SLC16A9: variants seen among roughly 807,000 people sequenced by gnomAD.
The protein encoded by SLC16A9 is solute carrier family 16 member 9.
A neutral mutation model predicts 44.3 loss-of-function variants in SLC16A9; 26 were observed. The observed-to-expected ratio is 0.59, with a 90% CI of 0.43 to 0.81. The LOEUF (loss-of-function observed/expected upper bound fraction) is 0.81, where lower values mean the gene tolerates loss of function less well. Ranked by LOEUF, SLC16A9 falls within the 40% of genes least tolerant of loss-of-function variation. The pLI is 0.00. For missense variants in SLC16A9, 559 were observed against 595.8 expected, an observed-to-expected ratio of 0.94 and a Z score of 0.64; for synonymous variants, 230 against 225.1, an observed-to-expected ratio of 1.02 and a Z score of -0.19.
At chr10:59,677,197 T>C (rs1255670936) in intron 2 of SLC16A9, among the ~76,000 whole-genome samples, 2 of 151,982 alleles carry the variant, frequency 1.3e-5, no homozygotes, top group African/African-American at 2.4e-5. Context: ...GTTGTCAGTA[T>C]TGGTGTTTAG....
At chr10:59,685,557 T>G (rs970655004) in intron 1 of SLC16A9, among the ~76,000 whole-genome samples, 4 of 152,242 alleles carry the variant, frequency 2.6e-5, no homozygotes, top group African/African-American at 9.6e-5. Context: ...CTGGAAGATC[T>G]TCCACATCAA....
chr10:59,654,820 C>T (rs913991143), intron 4 of SLC16A9, among the ~76,000 whole-genome samples: 4 of 152,198 alleles, frequency 2.6e-5, no homozygotes, highest in East Asian at 3.9e-4. Context: ...TTACATTGCA[C>T]GATCATGTTT....
rs187848459 is a variant in SLC16A9 at position 59,653,679 on chromosome 10, G to T, written c.1347C>A (p.Ile449=). ...AGLGNSLGPP[I]VGWFYDWTQT... ...ATTTTAAGATAAATATCTTACCAAC[G>T]ATGGGTGGTCCTAGGCTATTTCCAA... The change falls in exon 5 of 6, where the codon ATC becomes ATA. Residue 449 remains isoleucine (I), a synonymous_variant. Coordinates refer to ENST00000395348, the MANE Select transcript of SLC16A9 (RefSeq NM_194298.3). 1 of 1,606,940 alleles carries T rather than the reference G, an allele frequency of 6.2e-7. No individual in the cohort carries two copies. The highest frequency in any genetic ancestry group is 1.7e-5 in the Admixed American group (1 of 59,312).
intron 5 of SLC16A9, 70 bp from the exon 6 acceptor site, chr10:59,653,020 A>C: frequency 1.6e-6 from 2 of 1,226,408 alleles, no homozygotes; most frequent in Non-Finnish European, 2.3e-6. Flanking sequence ...TACCCTAATT[A>C]TATCAGTTTT....
chr10:59,692,817 T>A (rs192784462), intron 1 of SLC16A9, among the ~76,000 whole-genome samples: 4 of 152,266 alleles, frequency 2.6e-5, no homozygotes, highest in Admixed American at 2.6e-4. Flanking sequence ...AACCAATACC[T>A]AAAAACAAAC....
intron 1 of SLC16A9, among the ~76,000 whole-genome samples, chr10:59,693,912 C>T (rs1840309226): frequency 7.3e-6 from 1 of 137,300 alleles, no homozygotes. Flanking sequence ...CCACTGCACC[C>T]GGCCTTTTAA....
At chr10:59,697,493 G>A (rs1840421616) in intron 1 of SLC16A9, among the ~76,000 whole-genome samples, 1 of 151,736 alleles carries the variant, frequency 6.6e-6, no homozygotes, top group Non-Finnish European at 1.5e-5. Context: ...TGGATTAAGG[G>A]TGGTGCAAGA....
intron 1 of SLC16A9, among the ~76,000 whole-genome samples, chr10:59,700,541 T>C (rs1840499557): frequency 6.6e-6 from 1 of 152,226 alleles, no homozygotes; most frequent in Non-Finnish European, 1.5e-5. Flanking sequence ...ATGTTTCTAG[T>C]AACCATCCAA....
At position 59,700,792 on chromosome 10, in the gene SLC16A9, A is replaced by G. The variant is rs151119431; in HGVS notation, c.-37+8687T>C. Reference sequence around the variant, plus strand: ...CCTAGACAATAAAAAGTGTTTCACTATGGCATTCCCTGCATCCTCACAGTT... The same window carrying G: ...CCTAGACAATAAAAAGTGTTTCACTGTGGCATTCCCTGCATCCTCACAGTT... On this transcript the variant is annotated intron_variant, in intron 1 of 5. Coordinates refer to ENST00000395348, the MANE Select transcript of SLC16A9 (RefSeq NM_194298.3). Among the ~76,000 whole-genome samples, 690 of 152,290 alleles carry G rather than the reference A, an allele frequency of 4.5e-3. 13 individuals are homozygous for G. Among genetic ancestry groups the G allele is most frequent in the African/African-American group, 0.016 (651 of 41,560 alleles).
intron 2 of SLC16A9, among the ~76,000 whole-genome samples, chr10:59,680,986 T>TAAC (rs1287718916): frequency 6.6e-6 from 1 of 150,728 alleles, no homozygotes; most frequent in Non-Finnish European, 1.5e-5. Flanking sequence ...CAATCTCAAA[T>TAAC]AATAATAATA....
intron 4 of SLC16A9, among the ~76,000 whole-genome samples, chr10:59,660,046 T>G (rs151330219): frequency 0.03 from 4,489 of 152,048 alleles, 211 homozygotes; most frequent in African/African-American, 0.1. Flanking sequence ...CAGGAGAAAG[T>G]GGGAAATATC....
intron 1 of SLC16A9, among the ~76,000 whole-genome samples, chr10:59,701,720 GC>G (rs923624529): frequency 1.7e-4 from 26 of 152,116 alleles, no homozygotes; most frequent in South Asian, 4.2e-4. Context: ...ACAAATCTGT[GC>G]CCCCCAACCC....
chr10:59,694,024 G>T (rs1389479914), intron 1 of SLC16A9, among the ~76,000 whole-genome samples: 1 of 151,624 alleles, frequency 6.6e-6, no homozygotes, highest in East Asian at 1.9e-4. Flanking sequence ...CACAAGCTCC[G>T]CCTCCCGGGT....
At chr10:59,675,726 C>T (rs1288061253) in intron 2 of SLC16A9, among the ~76,000 whole-genome samples, 7 of 152,320 alleles carry the variant, frequency 4.6e-5, no homozygotes, top group African/African-American at 1.4e-4. Flanking sequence ...ACACTATGCA[C>T]GTGGTCACCC....
chr10:59,655,307 AC>A (rs1360052360), intron 4 of SLC16A9, among the ~76,000 whole-genome samples: 1 of 152,078 alleles, frequency 6.6e-6, no homozygotes, highest in Non-Finnish European at 1.5e-5. Context: ...AAACAAACAA[AC>A]AAAAAAACCC....
At chr10:59,696,394 G>A (rs1387127314) in intron 1 of SLC16A9, among the ~76,000 whole-genome samples, 2 of 152,332 alleles carry the variant, frequency 1.3e-5, no homozygotes, top group African/African-American at 2.4e-5. Context: ...ACGGAGTTGC[G>A]TTCACTCAGT....
intron 2 of SLC16A9, among the ~76,000 whole-genome samples, chr10:59,673,870 CACACAA>C: frequency 6.6e-6 from 1 of 152,278 alleles, no homozygotes; most frequent in Middle Eastern, 3.4e-3. Context: ...AAGGGTGTAT[CACACAA>C]ACACAATGTA....
At chr10:59,674,002 C>T (rs1332284583) in intron 2 of SLC16A9, among the ~76,000 whole-genome samples, 2 of 152,134 alleles carry the variant, frequency 1.3e-5, no homozygotes, top group Non-Finnish European at 2.9e-5. Flanking sequence ...AGTCAGGATA[C>T]TGGCTATCTT....
intron 4 of SLC16A9, among the ~76,000 whole-genome samples, chr10:59,662,392 T>C (rs1268176743): frequency 6.6e-6 from 1 of 151,352 alleles, no homozygotes; most frequent in African/African-American, 2.4e-5. Flanking sequence ...ATCCCAACAT[T>C]TTAGGAGGCT....
Sources: gnomAD v4.1 joint callset for allele counts (sites outside exome capture counted in the v4.1 genomes callset) on GRCh38, gnomAD v4.1.1 for gene constraint, MANE v1.5 for transcripts, NCBI Gene and HGNC (gene_info 2026-07-23, HGNC 2026-07-21) for gene names.